Variants in PRDM1 observed in about 807,000 individuals in gnomAD.
The protein encoded by PRDM1 is PR domain zinc finger protein 1.
A neutral mutation model predicts 62.8 loss-of-function variants in PRDM1; 13 were observed. That is an observed-to-expected ratio of 0.21 (90% CI 0.13 to 0.33). The LOEUF is 0.33. PRDM1 is among the 10% of genes least tolerant of loss of function. The pLI is 1.00. For synonymous variants in PRDM1, 396 were observed against 417.6 expected, an observed-to-expected ratio of 0.95 and a Z score of 0.63; for missense variants, 895 against 1,058.8, an observed-to-expected ratio of 0.85 and a Z score of 2.15.
upstream of PRDM1, among the ~76,000 whole-genome samples, chr6:106,082,623 C>T (rs1582455644): frequency 6.6e-6 from 1 of 152,190 alleles, no homozygotes; most frequent in East Asian, 1.9e-4. Context: ...ATAAAGTCCT[C>T]TGGAGAACAC....
chr6:106,078,160 A>C (rs1367093932), intron 1 of PRDM1: 1 of 152,244 alleles, frequency 6.6e-6, no homozygotes, highest in East Asian at 1.9e-4. Flanking sequence ...ACTACTGTAG[A>C]GAAAAAGTGA....
At chr6:106,055,787 T>C (rs1296839572) in intron 1 of PRDM1, among the ~76,000 whole-genome samples, 1 of 152,214 alleles carries the variant, frequency 6.6e-6, no homozygotes, top group Non-Finnish European at 1.5e-5. Context: ...TGGAGAGTCA[T>C]GGGTACAGCT....
At chr6:106,100,830 T>C (rs1774249146) in intron 4 of PRDM1, among the ~76,000 whole-genome samples, 1 of 152,180 alleles carries the variant, frequency 6.6e-6, no homozygotes, top group Admixed American at 6.5e-5. Flanking sequence ...AGGTTACCCT[T>C]GAGCTTCAGG....
In PRDM1 at chr6:105,994,460, C is replaced by T. The variant is rs1772321501; in HGVS notation, c.-67+821C>T. Among the ~76,000 whole-genome samples, 1 of 152,144 alleles carries T rather than the reference C, an allele frequency of 6.6e-6. No homozygotes were observed. Among genetic ancestry groups the T allele is most frequent in the Non-Finnish European group, 1.5e-5 (1 of 68,034 alleles). ...GCGTGACAGCGCGGGGATAGCTTTT[C>T]TATTACGTTTCTTGTTCTCCGAGCT... On this transcript the variant is annotated intron_variant, in intron 1 of 6. Transcript: ENST00000652320. The surrounding 1 kb of genome is among the most constrained non-coding windows in gnomAD (Gnocchi z 4.1).
chr6:106,027,196 G>A (rs1430525326), intron 1 of PRDM1, among the ~76,000 whole-genome samples: 1 of 152,186 alleles, frequency 6.6e-6, no homozygotes, highest in Admixed American at 6.5e-5. Flanking sequence ...CCGGGGGAGG[G>A]GCAAGACATT....
At chr6:106,013,411 T>C (rs1473424579) in intron 1 of PRDM1, among the ~76,000 whole-genome samples, 3 of 148,898 alleles carry the variant, frequency 2.0e-5, no homozygotes, top group Non-Finnish European at 4.4e-5. Flanking sequence ...CACTGCAACC[T>C]CCACCTCCCG....
chr6:106,095,227 T>C (rs1215430890), intron 2 of PRDM1, among the ~76,000 whole-genome samples: 2 of 152,158 alleles, frequency 1.3e-5, no homozygotes, highest in South Asian at 2.1e-4. Flanking sequence ...GAATGAGAAA[T>C]AGGAAACTAG....
Position 106,099,390 on chromosome 6 carries a change from C to T in PRDM1, c.502C>T (p.Pro168Ser). Residue 168 changes from proline (P) to serine (S), a missense_variant, in exon 4 of 7, where the codon CCC (proline) becomes TCC (serine). Pro to Ser is a moderately conservative substitution (Grantham distance 74). Coordinates refer to ENST00000369096, the MANE Select transcript of PRDM1 (RefSeq NM_001198.4). ...WMRYVNPAHS[P>S]REQNLAACQN... ...GCGCTATGTGAATCCAGCACACTCT[C>T]CCCGGGAGCAAAACCTGGCTGCGTG... 6.2e-7 allele frequency: 1 copy of T among 1,614,216 alleles called. No homozygotes were observed. The highest frequency in any genetic ancestry group is 8.5e-7 in the Non-Finnish European group (1 of 1,180,036).
At chr6:106,062,656 T>C (rs184811064) in intron 1 of PRDM1, among the ~76,000 whole-genome samples, 8 of 152,352 alleles carry the variant, frequency 5.3e-5, no homozygotes, top group Non-Finnish European at 1.0e-4. Context: ...CAAAGCGTTT[T>C]CCAACATAAC....
chr6:106,015,233 A>G (rs1415226906), intron 1 of PRDM1, among the ~76,000 whole-genome samples: 2 of 152,344 alleles, frequency 1.3e-5, no homozygotes, highest in Admixed American at 1.3e-4. Context: ...CAAGTCAGCC[A>G]TCCTTAATGC....
chr6:106,012,878 G>A (rs1409331306), intron 1 of PRDM1, among the ~76,000 whole-genome samples: 1 of 152,196 alleles, frequency 6.6e-6, no homozygotes, highest in Non-Finnish European at 1.5e-5. Context: ...TCAGATGGCT[G>A]AACAGATATG....
chr6:106,029,851 T>C (rs1163045181), intron 1 of PRDM1, among the ~76,000 whole-genome samples: 2 of 152,060 alleles, frequency 1.3e-5, no homozygotes, highest in Non-Finnish European at 2.9e-5. Context: ...ACCCCTGGGC[T>C]CAAGCAATTT....
At chr6:106,071,383 A>G (rs554422502) in intron 1 of PRDM1, among the ~76,000 whole-genome samples, 37 of 151,404 alleles carry the variant, frequency 2.4e-4, no homozygotes, top group African/African-American at 3.1e-4. Context: ...TCACGTGTGT[A>G]TATATATATA....
rs2114664572 is a variant in PRDM1, at chr6:106,107,255, C to T, written c.2247C>T (p.Ile749=). The change falls in exon 7 of 7, where the codon ATC becomes ATT. Residue 749 remains isoleucine (I), a synonymous_variant. Transcript: ENST00000369096. Reference sequence around the variant, plus strand: ...GGCTCGAGGACGTGGAGGATGACATCAGTGTGATCTCTGTAGTGGAGAAGG... The same window carrying T: ...GGCTCGAGGACGTGGAGGATGACATTAGTGTGATCTCTGTAGTGGAGAAGG... ...ADRLEDVEDD[I]SVISVVEKEI... The T allele has an allele frequency of 6.2e-7, 1 of 1,614,180 alleles. No individual in the cohort carries two copies. Among genetic ancestry groups the T allele is most frequent in the Non-Finnish European group, 8.5e-7 (1 of 1,180,036 alleles).
At chr6:106,082,160 TA>T (rs1189295098), upstream of PRDM1, among the ~76,000 whole-genome samples, 1 of 152,254 alleles carries the variant, frequency 6.6e-6, no homozygotes, top group African/African-American at 2.4e-5. Context: ...TCTCCCTTGT[TA>T]ACAGTTCAGG....
rs766967003 is a variant in PRDM1, at chr6:106,105,764, C to T, written c.1604C>T (p.Ser535Leu). The T allele has an allele frequency of 5.0e-6, 8 of 1,614,100 alleles. No individual in the cohort carries two copies. The highest frequency in any genetic ancestry group is 6.8e-6 in the Non-Finnish European group (8 of 1,180,060). The change falls in exon 5 of 7, where the codon TCA becomes TTA. Residue 535 changes from serine to leucine, a missense_variant. Transcript: ENST00000369096. ...CATGTGGTGCAGCCCAAAGCTACCTCAGCAGCGATGGCAGCCCCCAGCAGC... is the reference window on the plus strand; with the variant it reads ...CATGTGGTGCAGCCCAAAGCTACCTTAGCAGCGATGGCAGCCCCCAGCAGC... ...AEHVVQPKAT[S>L]AAMAAPSSDE...
intron 1 of PRDM1, among the ~76,000 whole-genome samples, chr6:106,001,083 C>T (rs1431874468): frequency 2.0e-5 from 3 of 152,232 alleles, no homozygotes; most frequent in Non-Finnish European, 4.4e-5. Flanking sequence ...TTTTCCACTT[C>T]AGCTGGATCT....
chr6:106,064,305 G>A (rs1773392368), intron 1 of PRDM1, among the ~76,000 whole-genome samples: 1 of 152,194 alleles, frequency 6.6e-6, no homozygotes, highest in South Asian at 2.1e-4. Context: ...TCTGGGTGTT[G>A]AGCTGTGGAC....
chr6:105,997,538 T>C (rs921508829), intron 1 of PRDM1, among the ~76,000 whole-genome samples: 3 of 152,258 alleles, frequency 2.0e-5, no homozygotes, highest in Non-Finnish European at 4.4e-5. Context: ...TTCAGTCTCA[T>C]TTGGGAATCT....
Sources: gnomAD v4.1 joint callset for allele counts (sites outside exome capture counted in the v4.1 genomes callset) on GRCh38, gnomAD v4.1.1 for gene constraint, Gnocchi (gnomAD v3.1) non-coding constraint, MANE v1.5 for transcripts, NCBI Gene and HGNC (gene_info 2026-07-23, HGNC 2026-07-21) for gene names.